The following GNG7 variants were observed in gnomAD, a reference collection of about 807,000 sequenced individuals.
GNG7 encodes G protein subunit gamma 7.
Under a neutral mutation model 4.0 loss-of-function variants are expected in GNG7, and 1 was observed. That is an observed-to-expected ratio of 0.25 (90% confidence interval 0.09 to 1.18). The LOEUF is 1.18. Ranked by LOEUF, GNG7 falls within the 50% of genes most tolerant of loss-of-function variation. The pLI is 0.50. For missense variants in GNG7, 86 were observed against 91.9 expected, an observed-to-expected ratio of 0.94 and a Z score of 0.26; for synonymous variants, 34 against 36.9, an observed-to-expected ratio of 0.92 and a Z score of 0.29.
intron 3 of GNG7, among the ~76,000 whole-genome samples, chr19:2,528,205 A>C: frequency 7.3e-6 from 1 of 137,504 alleles, no homozygotes; most frequent in Admixed American, 8.0e-5. Flanking sequence ...CAGGAGGTGG[A>C]GGTTGCAGTG....
Position 2,684,414 on chromosome 19 carries a change from C to T in GNG7, c.-135+18232G>A, listed in dbSNP as rs533468169. 2.9e-3 allele frequency among the ~76,000 whole-genome samples: 446 copies of T among 151,654 alleles called. 2 individuals are homozygous for T. Among genetic ancestry groups the T allele is most frequent in the African/African-American group, 9.9e-3 (411 of 41,434 alleles). ...GCTCCCAAAGTGCTGGGATGACAGG[C>T]GTGAGCCACCGTGCCCGGCCCGCAC... is the stretch of plus-strand genomic sequence containing the variant. On this transcript the variant is annotated intron_variant, in intron 1 of 4. Transcript: ENST00000382159.
intron 1 of GNG7, among the ~76,000 whole-genome samples, chr19:2,674,010 T>A (rs1983532436): frequency 6.6e-6 from 1 of 152,184 alleles, no homozygotes; most frequent in Non-Finnish European, 1.5e-5. Flanking sequence ...ACGCCTGTAA[T>A]CCCAGCACTT....
rs374763220 is a variant in GNG7, at chr19:2,524,164, ACCCTGGGCCCCTGCTG to A, written c.-37-3455_-37-3440del. ...TCCACAGTCAGGAGTGTCCACCCAG[ACCCTGGGCCCCTGCTG>A]CCCTGGGCAGCCACCGCCCGCAATT... On this transcript the variant is annotated intron_variant, in intron 3 of 4. Transcript: ENST00000382159. Among the ~76,000 whole-genome samples, 367 of 152,152 alleles carry A rather than the reference ACCCTGGGCCCCTGCTG, an allele frequency of 2.4e-3. 2 individuals are homozygous for A. Among genetic ancestry groups the A allele is most frequent in the African/African-American group, 8.5e-3 (354 of 41,504 alleles).
At chr19:2,638,233 T>C (rs914733507) in intron 2 of GNG7, among the ~76,000 whole-genome samples, 1 of 150,460 alleles carries the variant, frequency 6.6e-6, no homozygotes, top group African/African-American at 2.4e-5. Context: ...CGTGGTGGCA[T>C]GCACCTGTAA....
At chr19:2,587,330 C>T (rs776879524) in intron 2 of GNG7, among the ~76,000 whole-genome samples, 5 of 152,194 alleles carry the variant, frequency 3.3e-5, no homozygotes, top group East Asian at 1.9e-4. Flanking sequence ...GCGTACCCTG[C>T]GTTGCTTCCT....
intron 2 of GNG7, among the ~76,000 whole-genome samples, chr19:2,637,945 C>T (rs780698072): frequency 3.9e-5 from 6 of 152,222 alleles, no homozygotes; most frequent in Admixed American, 6.5e-5. Context: ...TTGAAATCCA[C>T]ACCCTGAGTT....
At chr19:2,556,872 G>T (rs1242478113) in intron 2 of GNG7, among the ~76,000 whole-genome samples, 1 of 152,132 alleles carries the variant, frequency 6.6e-6, no homozygotes, top group African/African-American at 2.4e-5. Flanking sequence ...TCCGTGCCAG[G>T]AGCACCCCCC....
At chr19:2,581,369 G>C (rs8106868) in intron 2 of GNG7, among the ~76,000 whole-genome samples, 3,516 of 151,368 alleles carry the variant, frequency 0.023, 121 homozygotes, top group African/African-American at 0.078. Context: ...CGGGTGGCCT[G>C]GAGCACCAGC....
intron 2 of GNG7, among the ~76,000 whole-genome samples, chr19:2,565,696 T>G (rs1979884535): frequency 6.6e-6 from 1 of 151,894 alleles, no homozygotes; most frequent in South Asian, 2.1e-4. Context: ...GATTGAGTGG[T>G]CTGGGGTGTG....
chr19:2,566,669 C>T (rs1979919309), intron 2 of GNG7, among the ~76,000 whole-genome samples: 2 of 152,154 alleles, frequency 1.3e-5, no homozygotes. Flanking sequence ...TGTAAAAGGC[C>T]AGAGAGCAAA....
At chr19:2,686,757 T>C (rs1314257164) in intron 1 of GNG7, among the ~76,000 whole-genome samples, 4 of 149,586 alleles carry the variant, frequency 2.7e-5, no homozygotes, top group South Asian at 2.1e-4. Flanking sequence ...TTCTTTCTTT[T>C]TTTTTTTTTT....
chr19:2,568,152 C>CACATACACAT (rs1363454232), intron 2 of GNG7, among the ~76,000 whole-genome samples: 2 of 149,428 alleles, frequency 1.3e-5, no homozygotes, highest in South Asian at 4.2e-4. Flanking sequence ...CACATGCACA[C>CACATACACAT]ACATACACAT....
chr19:2,599,158 A>G (rs1011325020), intron 2 of GNG7, among the ~76,000 whole-genome samples: 23 of 152,084 alleles, frequency 1.5e-4, no homozygotes, highest in African/African-American at 4.8e-4. Context: ...CGCCGCAGAC[A>G]CCACGTGGTG....
chr19:2,557,812 T>G lies in GNG7; in HGVS notation c.-77-2624A>C, dbSNP rs1267035752. Among the ~76,000 whole-genome samples, 4 of 152,136 alleles carry G rather than the reference T, an allele frequency of 2.6e-5. No homozygotes were observed. The highest frequency in any genetic ancestry group is 5.9e-5 in the Non-Finnish European group (4 of 68,026). On this transcript the variant is annotated intron_variant, in intron 2 of 4. Transcript: ENST00000382159. This position sits in a 1 kb window ranked among gnomAD's most constrained non-coding sequence, Gnocchi z 5.1. ...AGGGAACCACAGCTCCTTATTCTGA[T>G]GGGGTGACTCGGTGCATTTCTCTCT...
At chr19:2,657,607 G>A (rs1182825355) in intron 1 of GNG7, among the ~76,000 whole-genome samples, 2 of 150,616 alleles carry the variant, frequency 1.3e-5, no homozygotes, top group Non-Finnish European at 3.0e-5. Context: ...CCCAGCTACT[G>A]GAGAGGCTGA....
At chr19:2,585,639 T>C (rs1158179783) in intron 2 of GNG7, among the ~76,000 whole-genome samples, 2 of 152,216 alleles carry the variant, frequency 1.3e-5, no homozygotes, top group Non-Finnish European at 2.9e-5. Context: ...AACTTTTCCT[T>C]TTAAAAACAA....
At chr19:2,657,004 G>A (rs1982992549) in intron 1 of GNG7, among the ~76,000 whole-genome samples, 1 of 151,914 alleles carries the variant, frequency 6.6e-6, no homozygotes, top group Non-Finnish European at 1.5e-5. Flanking sequence ...ACATGAAACA[G>A]CGTCAGATCA....
chr19:2,677,486 C>A (rs555693071), intron 1 of GNG7, among the ~76,000 whole-genome samples: 123 of 151,402 alleles, frequency 8.1e-4, no homozygotes, highest in Non-Finnish European at 1.4e-3. Context: ...GGGGGAGAGA[C>A]TCTGCCTTAA....
intron 2 of GNG7, among the ~76,000 whole-genome samples, chr19:2,568,097 A>C (rs1036723914): frequency 2.0e-5 from 3 of 150,614 alleles, no homozygotes; most frequent in African/African-American, 7.3e-5. Flanking sequence ...ACACACACAC[A>C]CTTACACACA....
Sources: gnomAD v4.1 joint callset for allele counts (sites outside exome capture counted in the v4.1 genomes callset) on GRCh38, gnomAD v4.1.1 for gene constraint, Gnocchi (gnomAD v3.1) non-coding constraint, MANE v1.5 for transcripts, NCBI Gene and HGNC (gene_info 2026-07-23, HGNC 2026-07-21) for gene names.